Variants in NF1 observed in about 807,000 individuals in gnomAD.
The protein encoded by NF1 is neurofibromin 1.
A neutral mutation model predicts 325.7 loss-of-function variants in NF1; 122 were observed. The ratio of observed to expected loss-of-function variants is 0.37; its 90% CI spans 0.32 to 0.44. The LOEUF is 0.44. NF1 is among the 20% of genes least tolerant of loss of function. The pLI, the probability that NF1 is intolerant of heterozygous loss-of-function variation, is 1.00. For synonymous variants in NF1, 1,091 were observed against 1,186.0 expected (o/e 0.92, Z 1.65); for missense variants, 2,140 against 3,415.4 (o/e 0.63, Z 9.31).
At chr17:31,143,354 C>T (rs2143545671) in intron 1 of NF1, among the ~76,000 whole-genome samples, 1 of 152,158 alleles carries the variant, frequency 6.6e-6, no homozygotes, top group South Asian at 2.1e-4. Context: ...GCAGCCTCAA[C>T]CTCCTGGGCT....
rs1597688564 is a variant in NF1, at chr17:31,206,185, T to C, written c.1261-55T>C. ...TAAAACTACAGTGATAAACAGAGCATACAACTCACGTAATTTTGTACTTTT... is the reference window on the plus strand; with the variant it reads ...TAAAACTACAGTGATAAACAGAGCACACAACTCACGTAATTTTGTACTTTT... On this transcript the variant is annotated intron_variant, in intron 11 of 57. Coordinates refer to ENST00000358273, the MANE Select transcript of NF1 (RefSeq NM_001042492.3). 3 of 1,602,188 alleles carry C rather than the reference T, an allele frequency of 1.9e-6. No individual in the cohort carries two copies. In the East Asian group the frequency reaches 6.7e-5, roughly 36 times the overall value.
At chr17:31,240,837 G>A (rs1166288845) in intron 29 of NF1, among the ~76,000 whole-genome samples, 4 of 152,004 alleles carry the variant, frequency 2.6e-5, no homozygotes, top group African/African-American at 4.8e-5. Flanking sequence ...CAGTGATGTT[G>A]AGCACCTTTT....
chr17:31,127,632 A>G (rs563883280), intron 1 of NF1, among the ~76,000 whole-genome samples: 11 of 144,558 alleles, frequency 7.6e-5, no homozygotes, highest in Admixed American at 4.2e-4. Flanking sequence ...GGGTTTTGCT[A>G]TGTTGCCCAG....
chr17:31,342,843 G>A (rs913458246), intron 47 of NF1, among the ~76,000 whole-genome samples, 166 bp from the exon 48 acceptor site: 3 of 152,136 alleles, frequency 2.0e-5, no homozygotes, highest in African/African-American at 7.2e-5. Flanking sequence ...CAGTTAATTT[G>A]TAGTAGCTAA....
At chr17:31,148,611 A>G (rs563352370) in intron 1 of NF1, among the ~76,000 whole-genome samples, 36 of 152,148 alleles carry the variant, frequency 2.4e-4, no homozygotes, top group African/African-American at 8.4e-4. Flanking sequence ...AAATATCTTG[A>G]CTTCATATAG....
intron 8 of NF1, among the ~76,000 whole-genome samples, chr17:31,198,994 T>G (rs2066481384): frequency 6.6e-6 from 1 of 152,170 alleles, no homozygotes; most frequent in South Asian, 2.1e-4. Context: ...ATTTATTTTT[T>G]TGTTAACCTA....
intron 36 of NF1, among the ~76,000 whole-genome samples, chr17:31,302,610 G>A (rs888838738): frequency 6.6e-6 from 1 of 152,076 alleles, no homozygotes; most frequent in Non-Finnish European, 1.5e-5. Flanking sequence ...GAGAGGCCGA[G>A]GCAGGTGGAT....
chr17:31,099,103 A>G (rs956106475), intron 1 of NF1, among the ~76,000 whole-genome samples: 7 of 152,114 alleles, frequency 4.6e-5, no homozygotes, highest in African/African-American at 1.7e-4. Context: ...CCCAGGGAGC[A>G]TGTGCATGTC....
At chr17:31,312,544 T>G (rs1313351535) in intron 36 of NF1, among the ~76,000 whole-genome samples, 3 of 150,050 alleles carry the variant, frequency 2.0e-5, no homozygotes, top group Non-Finnish European at 4.4e-5. Context: ...AAGTATGGGA[T>G]TCTATGACAA....
chr17:31,362,843 A>C (rs1037176004), intron 57 of NF1, among the ~76,000 whole-genome samples: 1 of 152,232 alleles, frequency 6.6e-6, no homozygotes, highest in Non-Finnish European at 1.5e-5. Flanking sequence ...CTGGATGAGA[A>C]TAAAGAACCA....
intron 36 of NF1, chr17:31,304,271 G>A (rs757288515): frequency 2.5e-6 from 4 of 1,607,282 alleles, no homozygotes; most frequent in Non-Finnish European, 3.4e-6. Context: ...ATTTATAACA[G>A]TTCTGCAGGT....
In NF1 at chr17:31,263,435, G is replaced by A. The variant is rs17883568; in HGVS notation, c.4724+1578G>A. Among the ~76,000 whole-genome samples the A allele has an allele frequency of 2.4e-3, 357 of 150,332 alleles. 1 individual carries two copies. In the South Asian group the frequency reaches 0.029, roughly 12 times the overall value. On this transcript the variant is annotated intron_variant, in intron 35 of 57. Transcript: ENST00000358273. ...GAATGAGACCTTGTCTATAAATAAA[G>A]AAATAAGTAAAAATATAAATAAGTA...
In NF1 at chr17:31,330,380, A is replaced by G. The variant is rs1555533863; in HGVS notation, c.5694A>G (p.Leu1898=). 2 of 1,613,964 alleles carry G rather than the reference A, an allele frequency of 1.2e-6. No homozygotes were observed. Among genetic ancestry groups the G allele is most frequent in the East Asian group, 2.2e-5 (1 of 44,866 alleles). The part of the protein sequence containing the change: ...IEGQLLETSG[L]CIPANNTLFI... ...GCCAGTTACTAGAGACATCAGGTTTATGTATCCCTGCCAACAACACCCTCT... is the reference window on the plus strand; with the variant it reads ...GCCAGTTACTAGAGACATCAGGTTTGTGTATCCCTGCCAACAACACCCTCT... The change falls in exon 39 of 58, where the codon TTA becomes TTG. Residue 1898 remains leucine (L), a synonymous_variant. Coordinates refer to ENST00000358273, the MANE Select transcript of NF1 (RefSeq NM_001042492.3).
At chr17:31,215,999 C>G (rs1228999713) in intron 13 of NF1, among the ~76,000 whole-genome samples, 1 of 152,142 alleles carries the variant, frequency 6.6e-6, no homozygotes, top group Non-Finnish European at 1.5e-5. Context: ...GCCTGTGATA[C>G]TTTAAGCCTG....
chr17:31,357,422 A>T (rs2070301675), intron 54 of NF1, 53 bp downstream of exon 54: 1 of 1,394,474 alleles, frequency 7.2e-7, no homozygotes, highest in Admixed American at 1.7e-5. Flanking sequence ...TTTAAGTTAA[A>T]TGCTTACCCA....
At chr17:31,322,121 ACACACAC>A (rs755071055) in intron 36 of NF1, among the ~76,000 whole-genome samples, 1 of 151,412 alleles carries the variant, frequency 6.6e-6, no homozygotes, top group African/African-American at 2.4e-5. Flanking sequence ...ACACACACAC[ACACACAC>A]AACTGTCAAA....
intron 36 of NF1, 43 bp from the exon 37 acceptor site, chr17:31,325,777 A>G: frequency 6.8e-7 from 1 of 1,464,528 alleles, no homozygotes; most frequent in East Asian, 2.3e-5. Context: ...TATTTATTTT[A>G]AACACTGCTA....
chr17:31,296,289 G>GGAT, intron 36 of NF1: 1 of 1,613,970 alleles, frequency 6.2e-7, no homozygotes, highest in Non-Finnish European at 8.5e-7. Context: ...AGAAACAGAA[G>GGAT]GATGAACAGG....
chr17:31,154,053 ATTTTTTTTT>A (rs67332557), intron 1 of NF1, among the ~76,000 whole-genome samples: 10 of 52,714 alleles, frequency 1.9e-4, no homozygotes, highest in Admixed American at 1.5e-3. Context: ...AGTTTCTTTG[ATTTTTTTTT>A]TTTTTTTTTT....
Sources: gnomAD v4.1 joint callset for allele counts (sites outside exome capture counted in the v4.1 genomes callset) on GRCh38, gnomAD v4.1.1 for gene constraint, MANE v1.5 for transcripts, NCBI Gene and HGNC (gene_info 2026-07-23, HGNC 2026-07-21) for gene names.